Variants in ROBO1 observed in about 807,000 individuals in gnomAD.
The protein encoded by ROBO1 is roundabout homolog 1.
Under a neutral mutation model 195.9 loss-of-function variants are expected in ROBO1, and 149 were observed. The observed-to-expected ratio is 0.76, with a 90% CI of 0.67 to 0.87. ROBO1 has a LOEUF of 0.87. ROBO1 is among the 40% of genes least tolerant of loss of function. The probability of loss-of-function intolerance (pLI) is 0.00; values close to 1 mark genes in which losing one functional copy is unlikely to be tolerated. For synonymous variants in ROBO1, 816 were observed against 733.2 expected, an observed-to-expected ratio of 1.11 and a Z score of -1.82; for missense variants, 1,933 against 2,068.3, an observed-to-expected ratio of 0.93 and a Z score of 1.27.
intron 2 of ROBO1, among the ~76,000 whole-genome samples, chr3:79,236,105 C>A (rs2082402297): frequency 6.6e-6 from 1 of 152,122 alleles, no homozygotes; most frequent in East Asian, 1.9e-4. Context: ...ACATGTTCCA[C>A]GTATTCAATG....
At chr3:79,621,176 C>T (rs1944995600) in intron 1 of ROBO1, among the ~76,000 whole-genome samples, 1 of 152,160 alleles carries the variant, frequency 6.6e-6, no homozygotes, top group Non-Finnish European at 1.5e-5. Context: ...TGCTGCAAGG[C>T]TTCAGGGACA....
At chr3:79,151,819 T>C (rs1294094327) in intron 2 of ROBO1, among the ~76,000 whole-genome samples, 3 of 151,762 alleles carry the variant, frequency 2.0e-5, no homozygotes, top group Non-Finnish European at 2.9e-5. Flanking sequence ...TGTCTGGAAC[T>C]CACCACTCTT....
intron 4 of ROBO1, among the ~76,000 whole-genome samples, chr3:78,879,231 G>A (rs994991429): frequency 7.2e-5 from 11 of 152,056 alleles, no homozygotes; most frequent in African/African-American, 1.9e-4. Context: ...GATATTACAC[G>A]CAGGGTTGAA....
chr3:78,899,086 T>C (rs1178097549), intron 4 of ROBO1, among the ~76,000 whole-genome samples: 1 of 152,198 alleles, frequency 6.6e-6, no homozygotes, highest in East Asian at 1.9e-4. Context: ...TACCCTAGTG[T>C]TTATCAAATT....
chr3:79,053,818 A>G (rs1248804679), intron 3 of ROBO1, among the ~76,000 whole-genome samples: 2 of 152,092 alleles, frequency 1.3e-5, no homozygotes, highest in Non-Finnish European at 2.9e-5. Flanking sequence ...TTACGCCAAA[A>G]CAAAGAAACA....
At chr3:79,302,643 C>T (rs1319282921) in intron 2 of ROBO1, among the ~76,000 whole-genome samples, 10 of 152,054 alleles carry the variant, frequency 6.6e-5, no homozygotes, top group Admixed American at 5.9e-4. Context: ...ACTAAAAAAT[C>T]GTTGTTTTAA....
chr3:79,176,189 C>G (rs1244913129), intron 2 of ROBO1, among the ~76,000 whole-genome samples: 1 of 152,128 alleles, frequency 6.6e-6, no homozygotes, highest in Non-Finnish European at 1.5e-5. Context: ...AAAGGACACA[C>G]TTTTACAAGG....
intron 1 of ROBO1, among the ~76,000 whole-genome samples, chr3:79,650,728 C>A: frequency 6.6e-6 from 1 of 151,598 alleles, no homozygotes; most frequent in East Asian, 1.9e-4. Flanking sequence ...GACCCCAAAG[C>A]AATGATATTG....
At chr3:79,292,454 C>G (rs1168307488) in intron 2 of ROBO1, among the ~76,000 whole-genome samples, 1 of 152,096 alleles carries the variant, frequency 6.6e-6, no homozygotes, top group Non-Finnish European at 1.5e-5. Flanking sequence ...TGTCTTGTGC[C>G]AGTTTTCAAA....
intron 2 of ROBO1, among the ~76,000 whole-genome samples, chr3:79,157,673 C>T (rs1217271945): frequency 6.6e-6 from 1 of 151,726 alleles, no homozygotes; most frequent in Non-Finnish European, 1.5e-5. Flanking sequence ...ATAATTTGTT[C>T]TAAAAATTAA....
intron 2 of ROBO1, among the ~76,000 whole-genome samples, chr3:79,307,328 T>A (rs2033269295): frequency 6.6e-6 from 1 of 152,076 alleles, no homozygotes; most frequent in African/African-American, 2.4e-5. Context: ...ACCCTATGCA[T>A]TTCAGAAAGA....
chr3:79,569,062 C>G (rs1344626560), intron 2 of ROBO1, among the ~76,000 whole-genome samples: 1 of 152,108 alleles, frequency 6.6e-6, no homozygotes, highest in African/African-American at 2.4e-5. Flanking sequence ...TCCCTCATAG[C>G]TTTGTGTTTG....
chr3:78,926,132 G>T (rs1312246940), intron 4 of ROBO1, among the ~76,000 whole-genome samples: 1 of 152,106 alleles, frequency 6.6e-6, no homozygotes, highest in Non-Finnish European at 1.5e-5. Context: ...GCCTCCCAAA[G>T]TGCTGGGATT....
intron 2 of ROBO1, among the ~76,000 whole-genome samples, chr3:79,386,484 T>C: frequency 6.6e-6 from 1 of 152,084 alleles, no homozygotes; most frequent in Non-Finnish European, 1.5e-5. Context: ...ACTACGTAAT[T>C]AGTTTTCAAT....
intron 2 of ROBO1, among the ~76,000 whole-genome samples, chr3:79,519,994 A>G (rs997314567): frequency 1.3e-5 from 2 of 152,090 alleles, no homozygotes; most frequent in South Asian, 4.1e-4. Flanking sequence ...CCCGCTGTGT[A>G]GAAAAAATTT....
chr3:79,021,946 CCT>C (rs1199131832), intron 3 of ROBO1, among the ~76,000 whole-genome samples: 7 of 152,156 alleles, frequency 4.6e-5, no homozygotes, highest in South Asian at 2.1e-4. Context: ...AGGCGTGAGC[CCT>C]GCCGCGCCCG....
chr3:78,770,190 C>A (rs1313444563), intron 4 of ROBO1, among the ~76,000 whole-genome samples: 2 of 152,154 alleles, frequency 1.3e-5, no homozygotes, highest in Admixed American at 6.6e-5. Flanking sequence ...TTTTAGATTT[C>A]TCTTCTTCCT....
In ROBO1 at chr3:79,501,029, A is replaced by G. The variant is rs541630288; in HGVS notation, c.88+88795T>C. Among the ~76,000 whole-genome samples the G allele has an allele frequency of 2.6e-5, 4 of 152,126 alleles. No individual in the cohort carries two copies. In the East Asian group the frequency reaches 7.7e-4, roughly 29 times the overall value. ...CCCCTCACCACTCACTCACACATTTAGCAAGATCTTGGCTGGTCAAGTTTT... is the reference window on the plus strand; with the variant it reads ...CCCCTCACCACTCACTCACACATTTGGCAAGATCTTGGCTGGTCAAGTTTT... On this transcript the variant is annotated intron_variant, in intron 2 of 30. Coordinates refer to ENST00000464233, the MANE Select transcript of ROBO1 (RefSeq NM_002941.4).
chr3:79,008,755 A>AT (rs5850410), intron 3 of ROBO1, among the ~76,000 whole-genome samples: 1 of 134,370 alleles, frequency 7.4e-6, no homozygotes, highest in Non-Finnish European at 1.6e-5. Flanking sequence ...CACCATGCTA[A>AT]TTTTTTTTTT....
Sources: gnomAD v4.1 joint callset for allele counts (sites outside exome capture counted in the v4.1 genomes callset) on GRCh38, gnomAD v4.1.1 for gene constraint, MANE v1.5 for transcripts, NCBI Gene and HGNC (gene_info 2026-07-23, HGNC 2026-07-21) for gene names.